Variants in MBNL1 observed in about 807,000 individuals in gnomAD.
MBNL1 encodes the protein muscleblind like splicing regulator 1, also known as muscleblind-like protein 1.
MBNL1 carries 8 observed loss-of-function variants against 42.2 expected under a neutral mutation model. The ratio of observed to expected loss-of-function variants is 0.19; its 90% CI spans 0.11 to 0.34. The LOEUF (loss-of-function observed/expected upper bound fraction) is 0.34. Among genes scored for constraint, MBNL1 ranks in the 10% least tolerant of loss-of-function variants. The pLI is 1.00. For missense variants in MBNL1, 309 were observed against 495.3 expected, an observed-to-expected ratio of 0.62 and a Z score of 3.57; for synonymous variants, 169 against 173.9, an observed-to-expected ratio of 0.97 and a Z score of 0.22.
rs935576440 is a variant in MBNL1, at chr3:152,293,062, C to T, written c.-789-6343C>T. 5.9e-5 allele frequency among the ~76,000 whole-genome samples: 9 copies of T among 152,106 alleles called. No individual in the cohort carries two copies. In the East Asian group the frequency reaches 7.7e-4, roughly 13 times the overall value. ...GATTACAGGCGTGAGCCACGGTGCC[C>T]GGCCCTTTAAATTTGTAAATTAAAC... On this transcript the variant is annotated intron_variant, in intron 1 of 9. Transcript: ENST00000324210.
rs186031809 is a variant in MBNL1, at chr3:152,299,778, C to G, written c.-416C>G. 1.4e-4 allele frequency: 56 copies of G among 401,482 alleles called. No homozygotes were observed. The highest frequency in any genetic ancestry group is 1.4e-4 in the Non-Finnish European group (32 of 227,982). The allele number at this position is 401,482 out of a possible 1,614,324, so 24.9% of individuals were successfully genotyped here. A position where few individuals can be genotyped will look rare whatever the true frequency, so the allele number is the denominator to read the frequency against. ...TTGCAAATTCAGCTGTGAGGAGATT[C>G]CCTTTCAGACAACTTTGCTGAAAGC... On this transcript the variant is annotated 5_prime_UTR_variant, in exon 2 of 10. Transcript: ENST00000324210.
intron 2 of MBNL1, among the ~76,000 whole-genome samples, chr3:152,246,030 G>T (rs560583204): frequency 5.5e-4 from 83 of 152,242 alleles, no homozygotes; most frequent in Non-Finnish European, 9.3e-4. Context: ...GCTGCAGTGA[G>T]CTGTGATTGC....
chr3:152,248,148 TA>T (rs2033595760), intron 2 of MBNL1, among the ~76,000 whole-genome samples: 1 of 152,114 alleles, frequency 6.6e-6, no homozygotes. Context: ...TAATTCAATC[TA>T]TTTTCTTTTG....
chr3:152,427,539 C>T (rs1272391007), intron 3 of MBNL1, among the ~76,000 whole-genome samples: 1 of 151,990 alleles, frequency 6.6e-6, no homozygotes, highest in Non-Finnish European at 1.5e-5. Context: ...TAGGCCAGAC[C>T]CACTGTGCCT....
chr3:152,321,950 C>T (rs994039163), intron 2 of MBNL1, among the ~76,000 whole-genome samples: 1 of 151,972 alleles, frequency 6.6e-6, no homozygotes, highest in Non-Finnish European at 1.5e-5. Flanking sequence ...TATCAGTAAT[C>T]TCCTAAGAGA....
rs369329320 is a variant in MBNL1 at position 152,273,041 on chromosome 3, G to T, written c.-790+3949G>T. The stretch of plus-strand genomic sequence containing the variant: ...TAGAGCCTCAAGAAGAGTTGCCTCA[G>T]CTTGGTGCCATCTTGAGTCTGTCTT... On this transcript the variant is annotated intron_variant, in intron 1 of 9. Coordinates refer to ENST00000324210, the MANE Select transcript of MBNL1 (RefSeq NM_021038.5). 2.7e-4 allele frequency among the ~76,000 whole-genome samples: 41 copies of T among 152,290 alleles called. No individual in the cohort carries two copies. The South Asian group carries it at 8.5e-3, about 32-fold the overall frequency.
chr3:152,374,077 TA>T (rs1190476422), intron 2 of MBNL1, among the ~76,000 whole-genome samples: 5 of 152,182 alleles, frequency 3.3e-5, no homozygotes, highest in African/African-American at 1.2e-4. Context: ...AAGGCTGTTT[TA>T]AAAATGAGTT....
intron 2 of MBNL1, among the ~76,000 whole-genome samples, chr3:152,324,455 T>C (rs3913371): frequency 0.84 from 127,174 of 151,988 alleles, 53,738 homozygotes; most frequent in African/African-American, 0.96. Context: ...CTGGAACTGG[T>C]TTATGTCGAG....
chr3:152,252,497 T>A (rs1418478632), intron 2 of MBNL1, among the ~76,000 whole-genome samples: 1 of 152,100 alleles, frequency 6.6e-6, no homozygotes, highest in Non-Finnish European at 1.5e-5. Context: ...TAGACATTTC[T>A]ACTAAACAAA....
At chr3:152,396,187 GA>G (rs1317131410) in intron 2 of MBNL1, 2 of 368,392 alleles carry the variant, frequency 5.4e-6, no homozygotes, top group South Asian at 2.0e-5. Flanking sequence ...CTAGTTGCAG[GA>G]AAACAAGCTC....
intron 2 of MBNL1, among the ~76,000 whole-genome samples, chr3:152,361,319 T>C (rs1001040916): frequency 1.3e-5 from 2 of 151,636 alleles, no homozygotes; most frequent in African/African-American, 4.8e-5. Context: ...GTTCCCATGG[T>C]TCTATGGAAA....
intron 2 of MBNL1, among the ~76,000 whole-genome samples, chr3:152,245,952 G>A (rs1198314768): frequency 6.6e-6 from 1 of 152,140 alleles, no homozygotes; most frequent in Non-Finnish European, 1.5e-5. Context: ...AGGTCTAGGG[G>A]CTCAAGCCTG....
intron 3 of MBNL1, among the ~76,000 whole-genome samples, chr3:152,430,146 G>T (rs2098987708): frequency 1.3e-5 from 2 of 152,138 alleles, no homozygotes; most frequent in African/African-American, 4.8e-5. Flanking sequence ...TGCCTGTAAT[G>T]TGCAACAGCT....
At chr3:152,399,411 C>A (rs1162220975) in intron 2 of MBNL1, among the ~76,000 whole-genome samples, 1 of 152,182 alleles carries the variant, frequency 6.6e-6, no homozygotes, top group Non-Finnish European at 1.5e-5. Context: ...TCTACACATA[C>A]TGTATTTCTG....
At chr3:152,319,614 G>GTTTTTTTTTTTT (rs202070328) in intron 2 of MBNL1, among the ~76,000 whole-genome samples, 9 of 80,516 alleles carry the variant, frequency 1.1e-4, no homozygotes, top group Admixed American at 1.7e-4. Context: ...GTTCTATACT[G>GTTTTTTTTTTTT]TTTTTTTTTT....
chr3:152,446,015 G>A (rs779067701), intron 5 of MBNL1, among the ~76,000 whole-genome samples: 1 of 152,078 alleles, frequency 6.6e-6, no homozygotes, highest in Non-Finnish European at 1.5e-5. Context: ...TTAGCTACAG[G>A]ATTTTGAGTA....
intron 5 of MBNL1, among the ~76,000 whole-genome samples, chr3:152,446,317 CTG>C (rs1428979900): frequency 6.6e-6 from 1 of 152,070 alleles, no homozygotes; most frequent in Non-Finnish European, 1.5e-5. Flanking sequence ...TTAAAAGTCA[CTG>C]TGTAGTATTT....
intron 4 of MBNL1, among the ~76,000 whole-genome samples, chr3:152,435,028 A>C (rs1035054757): frequency 2.6e-5 from 4 of 151,366 alleles, no homozygotes; most frequent in African/African-American, 9.7e-5. Flanking sequence ...GCTGTGTAGA[A>C]GCTCTTTAGT....
At chr3:152,381,675 C>T (rs1400857709) in intron 2 of MBNL1, among the ~76,000 whole-genome samples, 1 of 151,564 alleles carries the variant, frequency 6.6e-6, no homozygotes. Flanking sequence ...ATTTAACATG[C>T]CAATAATTCT....
Sources: allele counts gnomAD v4.1 joint callset (sites outside exome capture counted in the v4.1 genomes callset), GRCh38; gene constraint gnomAD v4.1.1; transcripts MANE v1.5; gene names NCBI Gene and HGNC (gene_info 2026-07-23, HGNC 2026-07-21).